The following SLAMF9 variants were observed in gnomAD, a reference collection of about 807,000 sequenced individuals.
The protein encoded by SLAMF9 is CD2 family member 10.
A neutral mutation model predicts 30.4 loss-of-function variants in SLAMF9; 25 were observed. That is an observed-to-expected ratio of 0.82 (90% CI 0.60 to 1.15). The LOEUF is 1.15. Among genes scored for constraint, SLAMF9 ranks in the 50% most tolerant of loss-of-function variants. The pLI is 0.00. For synonymous variants in SLAMF9, 129 were observed against 127.2 expected, an observed-to-expected ratio of 1.01 and a Z score of -0.09; for missense variants, 344 against 346.1, an observed-to-expected ratio of 0.99 and a Z score of 0.05.
the SLAMF9 span, chr1:159,983,831 G>T: frequency 1.6e-4 from 24 of 152,274 alleles, no homozygotes; most frequent in Admixed American, 8.5e-4. Flanking sequence ...GCAGGGAGAA[G>T]GTCTCCTTGC....
chr1:159,966,969 A>G, the SLAMF9 span, among the ~76,000 whole-genome samples: 1 of 152,060 alleles, frequency 6.6e-6, no homozygotes, highest in Non-Finnish European at 1.5e-5. Flanking sequence ...TTTGCTATGC[A>G]TAAACTTTTT....
chr1:159,963,048 C>G, the SLAMF9 span, among the ~76,000 whole-genome samples: 1 of 152,130 alleles, frequency 6.6e-6, no homozygotes, highest in Admixed American at 6.6e-5. Flanking sequence ...TGGGCAGTGT[C>G]GAAGAGCATG....
the SLAMF9 span, among the ~76,000 whole-genome samples, chr1:159,969,556 C>T: frequency 2.0e-5 from 3 of 152,166 alleles, no homozygotes; most frequent in African/African-American, 4.8e-5. Context: ...CCCCTCTGCT[C>T]GGGGATTGCA....
In SLAMF9 at chr1:159,953,453, G is replaced by C; in HGVS notation, c.247C>G (p.Gln83Glu). The change falls in exon 2 of 4, where the codon CAG becomes GAG. Residue 83 changes from glutamine (Q) to glutamate (E), a missense_variant. Physicochemically the swap from Gln to Glu is conservative, Grantham distance 29. Coordinates refer to ENST00000368093, the MANE Select transcript of SLAMF9 (RefSeq NM_033438.4). ...GGGTCCAGGAAGCTCACTTGGCCCT[G>C]GTAGTGTGGATTGGTCACCATGATG... ...ATIMVTNPHY[Q>E]GQVSFLDPSY... The C allele has an allele frequency of 6.2e-7, 1 of 1,614,164 alleles. No individual in the cohort carries two copies. The highest frequency in any genetic ancestry group is 8.5e-7 in the Non-Finnish European group (1 of 1,180,024).
rs1247184150 is a variant in SLAMF9 at position 159,952,528 on chromosome 1, A to G, written c.398T>C (p.Leu133Pro). Residue 133 changes from leucine (L) to proline (P), a missense_variant, in exon 3 of 4, where the codon CTG becomes CCG. Coordinates refer to ENST00000368093, the MANE Select transcript of SLAMF9 (RefSeq NM_033438.4). ...QQYNICVYRW[L>P]SEPQITVNFE... ...GTTCACAGTGATCTGGGGCTCTGACAGCCATCCTGGATGAAGGGGAAACAC... is the reference window on the plus strand; with the variant it reads ...GTTCACAGTGATCTGGGGCTCTGACGGCCATCCTGGATGAAGGGGAAACAC... 2 of 1,613,464 alleles carry G rather than the reference A, an allele frequency of 1.2e-6. No individual in the cohort carries two copies. Among genetic ancestry groups the G allele is most frequent in the South Asian group, 1.1e-5 (1 of 91,080 alleles).
At chr1:159,974,195 C>T in the SLAMF9 span, 236 of 663,518 alleles carry the variant, frequency 3.6e-4, 2 homozygotes, top group East Asian at 2.8e-3. Context: ...GTGTCACTGT[C>T]TCCAGTCCTT....
At chr1:159,962,205 A>C in the SLAMF9 span, among the ~76,000 whole-genome samples, 5 of 151,544 alleles carry the variant, frequency 3.3e-5, no homozygotes, top group East Asian at 9.7e-4. Context: ...AGAGGATGGG[A>C]GGCAAAGGGA....
chr1:159,952,343 C>T lies in SLAMF9; in HGVS notation c.583G>A (p.Ala195Thr), dbSNP rs957383385. ...TTGGCTCTGCAGGTGTAGGAGAGGGCACTGTCCCCCGGCCTCCAGGATGTG... is the reference window on the plus strand; with the variant it reads ...TTGGCTCTGCAGGTGTAGGAGAGGGTACTGTCCCCCGGCCTCCAGGATGTG... ...LSTSWRPGDS[A>T]LSYTCRANNP... The change falls in exon 3 of 4, where the codon GCC (alanine) becomes ACC (threonine). Residue 195 changes from alanine to threonine, a missense_variant. Coordinates refer to ENST00000368093, the MANE Select transcript of SLAMF9 (RefSeq NM_033438.4). 6.2e-7 allele frequency: 1 copy of T among 1,614,062 alleles called. No individual in the cohort carries two copies. Among genetic ancestry groups the T allele is most frequent in the Non-Finnish European group, 8.5e-7 (1 of 1,179,992 alleles).
upstream of SLAMF9, among the ~76,000 whole-genome samples, chr1:159,954,805 G>A (rs1651887261): frequency 6.6e-6 from 1 of 152,206 alleles, no homozygotes; most frequent in Admixed American, 6.5e-5. Context: ...TTGGCCGGGT[G>A]CAATGGCTCA....
chr1:159,952,042 G>A (rs1214369720), intron 3 of SLAMF9, among the ~76,000 whole-genome samples, 176 bp from the exon 4 acceptor site: 1 of 152,180 alleles, frequency 6.6e-6, no homozygotes, highest in East Asian at 1.9e-4. Flanking sequence ...TGAGATCTAG[G>A]AATCATTCTG....
In SLAMF9 at chr1:159,953,516, C is replaced by A. The variant is rs1007064769; in HGVS notation, c.184G>T (p.Ala62Ser). 6.2e-7 allele frequency: 1 copy of A among 1,614,190 alleles called. No individual in the cohort carries two copies. Among genetic ancestry groups the A allele is most frequent in the Non-Finnish European group, 8.5e-7 (1 of 1,180,030 alleles). ...CCCTCTTTCCCTGGCACCACAGTGGCAAGACTTTTGTGAGAGGACCAGATG... is the reference window on the plus strand; with the variant it reads ...CCCTCTTTCCCTGGCACCACAGTGGAAAGACTTTTGTGAGAGGACCAGATG... The part of the protein sequence containing the change: ...NIIWSSHKSL[A>S]TVVPGKEGHP... The change falls in exon 2 of 4, where the codon GCC becomes TCC. Residue 62 changes from alanine to serine, a missense_variant. By Grantham distance (99) the Ala-to-Ser change is moderately conservative. Transcript: ENST00000368093.
chr1:159,983,525 T>TTTGTC, the SLAMF9 span: 4 of 152,080 alleles, frequency 2.6e-5, no homozygotes, highest in East Asian at 1.9e-4. Context: ...TTTGTTTTGT[T>TTTGTC]TGTTTTTTGC....
Position 159,952,363 on chromosome 1 carries a change from G to A in SLAMF9, c.563C>T (p.Ser188Phe), listed in dbSNP as rs1230251387. The stretch of plus-strand genomic sequence containing the variant: ...GAGGGCACTGTCCCCCGGCCTCCAG[G>A]ATGTGCTGAGGACAGGGCCTTCATG... Reference protein sequence around the residue: ...TFHEGPVLSTSWRPGDSALSY... With the variant: ...TFHEGPVLSTFWRPGDSALSY... Residue 188 changes from serine to phenylalanine, a missense_variant, in exon 3 of 4, where the codon TCC (serine) becomes TTC (phenylalanine). Transcript: ENST00000368093. 1.9e-6 allele frequency: 3 copies of A among 1,614,080 alleles called. No individual in the cohort carries two copies. Among genetic ancestry groups the A allele is most frequent in the South Asian group, 2.2e-5 (2 of 91,080 alleles).
the SLAMF9 span, among the ~76,000 whole-genome samples, chr1:159,962,856 G>C: frequency 6.6e-6 from 1 of 152,174 alleles, no homozygotes; most frequent in East Asian, 1.9e-4. Flanking sequence ...TAATTATTAA[G>C]AGTGCCCCCT....
At chr1:159,970,059 A>C in the SLAMF9 span, among the ~76,000 whole-genome samples, 10 of 152,244 alleles carry the variant, frequency 6.6e-5, no homozygotes, top group East Asian at 1.9e-3. Flanking sequence ...GACACTTCTC[A>C]ATAAATAAAT....
At chr1:159,972,087 G>A in the SLAMF9 span, among the ~76,000 whole-genome samples, 1 of 152,120 alleles carries the variant, frequency 6.6e-6, no homozygotes, top group Non-Finnish European at 1.5e-5. Flanking sequence ...AGAGAGCTTG[G>A]AGAGTCATGA....
the SLAMF9 span, among the ~76,000 whole-genome samples, chr1:159,964,819 G>A: frequency 6.6e-6 from 1 of 152,158 alleles, no homozygotes. Context: ...TCAATAATGT[G>A]TATTTGTATT....
At chr1:159,976,137 C>T in the SLAMF9 span, among the ~76,000 whole-genome samples, 226 of 151,318 alleles carry the variant, frequency 1.5e-3, 2 homozygotes, top group African/African-American at 5.2e-3. Flanking sequence ...TGTTTTTAAC[C>T]TGTTGCTTTT....
chr1:159,961,955 G>T, the SLAMF9 span, among the ~76,000 whole-genome samples: 1 of 151,550 alleles, frequency 6.6e-6, no homozygotes, highest in Non-Finnish European at 1.5e-5. Context: ...TCAAGAGTTC[G>T]AGACCAGCCC....
Sources: gnomAD v4.1 joint callset for allele counts (sites outside exome capture counted in the v4.1 genomes callset) on GRCh38, gnomAD v4.1.1 for gene constraint, MANE v1.5 for transcripts, NCBI Gene and HGNC (gene_info 2026-07-23, HGNC 2026-07-21) for gene names.